Variants in ATXN2L observed in about 807,000 individuals in gnomAD.
The protein encoded by ATXN2L is ataxin 2 like.
In ATXN2L, 24 loss-of-function variants were observed where a neutral mutation model predicts 120.7. The ratio of observed to expected loss-of-function variants is 0.20; its 90% CI spans 0.14 to 0.28. ATXN2L has a LOEUF of 0.28. Among genes scored for constraint, ATXN2L ranks in the 10% least tolerant of loss-of-function variants. The probability of loss-of-function intolerance (pLI) is 1.00; values close to 1 mark genes in which losing one functional copy is unlikely to be tolerated. For missense variants in ATXN2L, 1,312 were observed against 1,432.3 expected, an observed-to-expected ratio of 0.92 and a Z score of 1.36; for synonymous variants, 653 against 568.1, an observed-to-expected ratio of 1.15 and a Z score of -2.13.
In ATXN2L at chr16:28,836,697, TC is replaced by T. The variant is rs766466320; in HGVS notation, c.*434del. The T allele has an allele frequency of 6.2e-7, 1 of 1,613,326 alleles. No homozygotes were observed. Among genetic ancestry groups the T allele is most frequent in the East Asian group, 2.2e-5 (1 of 44,834 alleles). On this transcript the variant is annotated 3_prime_UTR_variant, in exon 22 of 22. Transcript: ENST00000336783. ...GGGACAGCTGCTTGGGTTCTAATGC[TC>T]CTGCTCTCTTCTCTTTCCCCTCCAA...
chr16:28,835,500 C>T (rs745776687), intron 20 of ATXN2L, 49 bp from the exon 21 acceptor site: 1 of 1,610,364 alleles, frequency 6.2e-7, no homozygotes, highest in Non-Finnish European at 8.5e-7. Context: ...GGACTGGGGG[C>T]CAGCGAGTTG....
intron 3 of ATXN2L, 43 bp from the exon 4 acceptor site, chr16:28,825,727 C>G: frequency 1.2e-6 from 2 of 1,612,974 alleles, no homozygotes; most frequent in Non-Finnish European, 8.5e-7. Flanking sequence ...CGTAATGCAT[C>G]TACTTTCTGG....
At position 28,836,419 on chromosome 16, in the gene ATXN2L, C is replaced by T. The variant is rs1960825647; in HGVS notation, c.*154C>T. ...CCTCCGTCCTCGCTCAGTTGTGATC[C>T]AGCAGCCCCCCTCCCCACTGCCTCC... On this transcript the variant is annotated 3_prime_UTR_variant, in exon 22 of 22. Coordinates refer to ENST00000336783, the MANE Select transcript of ATXN2L (RefSeq NM_007245.4). The T allele has an allele frequency of 1.9e-6, 3 of 1,613,508 alleles. No individual in the cohort carries two copies. Among genetic ancestry groups the T allele is most frequent in the Non-Finnish European group, 2.5e-6 (3 of 1,179,952 alleles).
Position 28,832,253 on chromosome 16 carries a change from C to T in ATXN2L, c.1370C>T (p.Pro457Leu). 2 of 1,614,192 alleles carry T rather than the reference C, an allele frequency of 1.2e-6. No individual in the cohort carries two copies. The highest frequency in any genetic ancestry group is 1.7e-6 in the Non-Finnish European group (2 of 1,180,038). ...PRSPKSAAPAPISASCPEPPI... is the reference protein window; with the variant it reads ...PRSPKSAAPALISASCPEPPI... ...TCTCCCAAGTCTGCTGCCCCTGCCC[C>T]AATCTCAGCTTCCTGTCCAGAGCCT... The change falls in exon 11 of 22, where the codon CCA becomes CTA. Residue 457 changes from proline to leucine, a missense_variant. By Grantham distance (98) the Pro-to-Leu change is moderately conservative. Coordinates refer to ENST00000336783, the MANE Select transcript of ATXN2L (RefSeq NM_007245.4).
rs1230024565 is a variant in ATXN2L, at chr16:28,836,792, G to T, written c.*527G>T. The T allele has an allele frequency of 3.1e-6, 5 of 1,613,814 alleles. No homozygotes were observed. In the South Asian group the frequency reaches 5.5e-5, roughly 18 times the overall value. On this transcript the variant is annotated 3_prime_UTR_variant, in exon 22 of 22. Coordinates refer to ENST00000336783, the MANE Select transcript of ATXN2L (RefSeq NM_007245.4). ...CGGGGAACTGAAGATTGTCCTGGCC[G>T]CGACCTGAGACCTCCATGAGTGGAG... is the stretch of plus-strand genomic sequence containing the variant.
At chr16:28,823,680 A>G in intron 1 of ATXN2L, 122 bp downstream of exon 1, 1 of 1,038,154 alleles carries the variant, frequency 9.6e-7, no homozygotes, top group Non-Finnish European at 1.2e-6. Flanking sequence ...AGTCCCCGTG[A>G]AGCTGGGGGA....
intron 5 of ATXN2L, 113 bp downstream of exon 5, chr16:28,826,503 T>C: frequency 7.6e-7 from 1 of 1,313,234 alleles, no homozygotes; most frequent in Non-Finnish European, 1.0e-6. Flanking sequence ...TGTTTTTGTT[T>C]GTTTGTTTTG....
chr16:28,824,367 C>G, intron 1 of ATXN2L: 2 of 1,228,056 alleles, frequency 1.6e-6, no homozygotes, highest in East Asian at 1.2e-4. Flanking sequence ...GGTGGGGGTT[C>G]GGAAAGTCCC....
rs117422777 is a variant in ATXN2L at position 28,835,692 on chromosome 16, C to A, written c.2829C>A (p.Ala943=). 1 of 1,614,136 alleles carries A rather than the reference C, an allele frequency of 6.2e-7. No individual in the cohort carries two copies. The highest frequency in any genetic ancestry group is 1.7e-5 in the Admixed American group (1 of 60,016). The change falls in exon 21 of 22, where the codon GCC becomes GCA. Residue 943 remains alanine, a synonymous_variant. Transcript: ENST00000336783. ...QSPQSSFPQP[A]AVYAIHHQQL... is the part of the protein sequence containing the mutation. ...CTCAGAGCAGCTTCCCCCAGCCAGC[C>A]GCTGTGTATGCCATCCACCACCAGC...
In ATXN2L at chr16:28,834,717, T is replaced by TGAG. The variant is rs1481232928; in HGVS notation, c.2433+27_2433+29dup. The TGAG allele has an allele frequency of 2.5e-6, 4 of 1,589,750 alleles. No homozygotes were observed. The African/African-American group carries it at 5.4e-5, about 21-fold the overall frequency. On this transcript the variant is annotated intron_variant, in intron 18 of 21. Transcript: ENST00000336783. ...AGGTGACTGCGGCCCAGGAGGGCAG[T>TGAG]GAGGATCCAGGGCCCCTGCTAGGGA...
chr16:28,835,425 G>C, intron 20 of ATXN2L, 26 bp downstream of exon 20: 1 of 1,612,130 alleles, frequency 6.2e-7, no homozygotes, highest in South Asian at 1.1e-5. Context: ...GGTGCTGAGT[G>C]GTCCTGGTGC....
In ATXN2L at chr16:28,823,434, C is replaced by A; in HGVS notation, c.175C>A (p.Leu59Met). ...PGPPAAASPCLGPVAAAGSGL... is the reference protein window; with the variant it reads ...PGPPAAASPCMGPVAAAGSGL... Reference sequence around the variant, plus strand: ...GCCTCCAGCGGCCGCCTCCCCCTGCCTGGGGCCTGTGGCCGCTGCCGGGAG... The same window carrying A: ...GCCTCCAGCGGCCGCCTCCCCCTGCATGGGGCCTGTGGCCGCTGCCGGGAG... The change falls in exon 1 of 22, where the codon CTG becomes ATG. Residue 59 changes from leucine to methionine, a missense_variant. Leu to Met is a conservative substitution (Grantham distance 15). Coordinates refer to ENST00000336783, the MANE Select transcript of ATXN2L (RefSeq NM_007245.4). 1 of 1,319,146 alleles carries A rather than the reference C, an allele frequency of 7.6e-7. No individual in the cohort carries two copies. Among genetic ancestry groups the A allele is most frequent in the Non-Finnish European group, 9.6e-7 (1 of 1,040,232 alleles). 81.7% of individuals were successfully genotyped at this position (1,319,146 alleles called of 1,614,324 possible). A position where few individuals can be genotyped will look rare whatever the true frequency, so the allele number is the denominator to read the frequency against.
In ATXN2L at chr16:28,829,025, C is replaced by G. The variant is rs562301847; in HGVS notation, c.742-376C>G. ...GGATTACAGGCATGAGCCACCACGC[C>G]CAGCTAGTCGCCCAGGCCAGAGCGC... On this transcript the variant is annotated intron_variant, in intron 6 of 21. Transcript: ENST00000336783. Among the ~76,000 whole-genome samples, 214 of 152,322 alleles carry G rather than the reference C, an allele frequency of 1.4e-3. 3 individuals are homozygous for G. Among genetic ancestry groups the G allele is most frequent in the South Asian group, 4.1e-4 (2 of 4,824 alleles).
rs775031534 is a variant in ATXN2L, at chr16:28,825,767, C to T, written c.394-3C>T. 3 of 1,614,026 alleles carry T rather than the reference C, an allele frequency of 1.9e-6. No homozygotes were observed. In the East Asian group the frequency reaches 6.7e-5, roughly 36 times the overall value. ...ACTCTTCTTATTTTTCCCACTCTGC[C>T]AGGGCTCCACTTGTGATGTAAAGGT... On this transcript the variant is annotated splice_polypyrimidine_tract_variant and splice_region_variant and intron_variant, in intron 3 of 21. Transcript: ENST00000336783.
At chr16:28,825,339 T>G (rs1438667982) in intron 1 of ATXN2L, 27 bp from the exon 2 acceptor site, 1 of 1,612,526 alleles carries the variant, frequency 6.2e-7, no homozygotes, top group Non-Finnish European at 8.5e-7. Flanking sequence ...TGAACAGACT[T>G]AAGTAATTTC....
At position 28,836,451 on chromosome 16, in the gene ATXN2L, C is replaced by G. The variant is rs201701678; in HGVS notation, c.*186C>G. ...CCCCCTCCCCACTGCCTCCCCAGCT[C>G]TCAGTGACCCCGACTGTCTCCTGAC... is the stretch of plus-strand genomic sequence containing the variant. On this transcript the variant is annotated 3_prime_UTR_variant, in exon 22 of 22. Transcript: ENST00000336783. 10 of 1,612,930 alleles carry G rather than the reference C, an allele frequency of 6.2e-6. No homozygotes were observed. In the Admixed American group the frequency reaches 1.5e-4, roughly 24 times the overall value.
At chr16:28,824,481 A>C (rs1205815428) in intron 1 of ATXN2L, 1 of 1,288,196 alleles carries the variant, frequency 7.8e-7, no homozygotes, top group Admixed American at 2.3e-5. Flanking sequence ...CTTCGCCCTC[A>C]ACCGCCGGTT....
chr16:28,833,897 C>A, intron 15 of ATXN2L, 168 bp from the exon 16 acceptor site: 1 of 821,462 alleles, frequency 1.2e-6, no homozygotes, highest in Non-Finnish European at 1.9e-6. Context: ...TCACCTGTAA[C>A]TTTAGAATAC....
rs373228228 is a variant in ATXN2L, at chr16:28,836,791, C to T, written c.*526C>T. On this transcript the variant is annotated 3_prime_UTR_variant, in exon 22 of 22. Transcript: ENST00000336783. ...CCGGGGAACTGAAGATTGTCCTGGC[C>T]GCGACCTGAGACCTCCATGAGTGGA... The T allele has an allele frequency of 2.7e-5, 43 of 1,613,808 alleles. No homozygotes were observed. Among genetic ancestry groups the T allele is most frequent in the African/African-American group, 1.5e-4 (11 of 74,856 alleles).
Sources: allele counts gnomAD v4.1 joint callset (sites outside exome capture counted in the v4.1 genomes callset), GRCh38; gene constraint gnomAD v4.1.1; transcripts MANE v1.5; gene names NCBI Gene and HGNC (gene_info 2026-07-23, HGNC 2026-07-21).